The following CGGBP1 variants were observed in gnomAD, a reference collection of about 807,000 sequenced individuals.
CGGBP1 encodes CGG triplet repeat binding protein 1.
Under a neutral mutation model 11.4 loss-of-function variants are expected in CGGBP1, and 4 were observed. The ratio of observed to expected loss-of-function variants is 0.35; its 90% CI spans 0.17 to 0.80. The LOEUF is 0.80. Ranked by LOEUF, CGGBP1 falls within the 30% of genes least tolerant of loss-of-function variation. The pLI, the probability that CGGBP1 is intolerant of heterozygous loss-of-function variation, is 0.52. For synonymous variants in CGGBP1, 76 were observed against 74.1 expected (o/e 1.03, Z -0.13); for missense variants, 135 against 202.1 (o/e 0.67, Z 2.01).
chr3:88,069,878 A>G (rs1247078546), intron 2 of CGGBP1, among the ~76,000 whole-genome samples: 1 of 152,202 alleles, frequency 6.6e-6, no homozygotes, highest in African/African-American at 2.4e-5. Flanking sequence ...TGTTTATCCT[A>G]AATGATTAAA....
At chr3:88,133,681 T>C (rs1339012939) in intron 2 of CGGBP1, among the ~76,000 whole-genome samples, 1 of 152,138 alleles carries the variant, frequency 6.6e-6, no homozygotes. Flanking sequence ...CTCCTAACTC[T>C]ACAACCCACA....
At chr3:88,060,645 A>G (rs1267711659), upstream of CGGBP1, among the ~76,000 whole-genome samples, 1 of 152,204 alleles carries the variant, frequency 6.6e-6, no homozygotes, top group Non-Finnish European at 1.5e-5. Flanking sequence ...GAGGAGTAAT[A>G]GTTAAATAAA....
At chr3:88,124,178 A>G (rs1157684821) in intron 2 of CGGBP1, among the ~76,000 whole-genome samples, 15 of 152,238 alleles carry the variant, frequency 9.9e-5, no homozygotes, top group Non-Finnish European at 2.2e-4. Context: ...ACTAGGTGCT[A>G]GGCACTGTTC....
intron 2 of CGGBP1, among the ~76,000 whole-genome samples, chr3:88,123,011 CAAA>C (rs1289535548): frequency 1.3e-5 from 1 of 76,094 alleles, no homozygotes. Context: ...CTCTGAGTCT[CAAA>C]AAAAAAAAAA....
chr3:88,057,594 T>C (rs958300338), intron 2 of CGGBP1: 5 of 152,242 alleles, frequency 3.3e-5, no homozygotes, highest in Admixed American at 3.3e-4. Context: ...CTATACCAAA[T>C]ATGGTTAATG....
intron 2 of CGGBP1, among the ~76,000 whole-genome samples, chr3:88,131,334 GTAT>G (rs879392807): frequency 9.9e-5 from 15 of 152,254 alleles, no homozygotes; most frequent in Middle Eastern, 3.4e-3. Flanking sequence ...AGTTTTTGAA[GTAT>G]TATCATTTTT....
intron 2 of CGGBP1, among the ~76,000 whole-genome samples, chr3:88,104,922 T>G (rs1481930636): frequency 6.6e-6 from 1 of 152,226 alleles, no homozygotes; most frequent in Non-Finnish European, 1.5e-5. Context: ...GCAGATTACT[T>G]CAGGCCGGAA....
chr3:88,077,419 C>T (rs1258113042), intron 2 of CGGBP1, among the ~76,000 whole-genome samples: 4 of 151,614 alleles, frequency 2.6e-5, no homozygotes, highest in South Asian at 2.1e-4. Context: ...CTGCAAGCTC[C>T]GCCGCCGGGT....
At chr3:88,083,936 TTATTTTATATA>T (rs1365614992) in intron 2 of CGGBP1, among the ~76,000 whole-genome samples, 2 of 58,936 alleles carry the variant, frequency 3.4e-5, no homozygotes, top group African/African-American at 1.1e-4. Context: ...TGTAATGTAC[TTATTTTATATA>T]TATATATATA....
At chr3:88,121,307 A>T (rs2107800210) in intron 2 of CGGBP1, among the ~76,000 whole-genome samples, 1 of 152,192 alleles carries the variant, frequency 6.6e-6, no homozygotes, top group African/African-American at 2.4e-5. Flanking sequence ...CCAGTTGAAA[A>T]TTTTTTCAAC....
chr3:88,106,887 G>C (rs1704774792), intron 2 of CGGBP1, among the ~76,000 whole-genome samples: 1 of 152,044 alleles, frequency 6.6e-6, no homozygotes, highest in African/African-American at 2.4e-5. Context: ...TCCCTGATTT[G>C]AGATGCTGTT....
intron 2 of CGGBP1, among the ~76,000 whole-genome samples, chr3:88,090,863 G>GA (rs1220747724): frequency 7.9e-5 from 12 of 151,560 alleles, no homozygotes; most frequent in Non-Finnish European, 1.5e-4. Flanking sequence ...GATAAGCTAA[G>GA]AAAAAAAAAT....
chr3:88,100,399 G>A (rs893877959), intron 2 of CGGBP1, among the ~76,000 whole-genome samples: 1 of 152,182 alleles, frequency 6.6e-6, no homozygotes, highest in Non-Finnish European at 1.5e-5. Flanking sequence ...TTCAACCATT[G>A]TGGAAGTCAG....
At chr3:88,064,041 A>G (rs113779695), upstream of CGGBP1, among the ~76,000 whole-genome samples, 1,556 of 152,092 alleles carry the variant, frequency 0.01, 26 homozygotes, top group African/African-American at 0.035. Context: ...TCTTTGATCA[A>G]CACATGCCTA....
In CGGBP1 at chr3:88,109,142, A is replaced by AGTGTGTGTGTGTGTGTGT. The variant is rs35595112; in HGVS notation, c.-229+31810_-229+31827dup. On this transcript the variant is annotated intron_variant, in intron 2 of 3. Coordinates refer to the CGGBP1 transcript ENST00000462901. ...TATCCCCTGTGGATAAGTGGGCACTAGTGTGTGTGTGTGTGTGTGTGTGTG... is the reference window on the plus strand; with the variant it reads ...TATCCCCTGTGGATAAGTGGGCACTAGTGTGTGTGTGTGTGTGTGTGTGTGTGTGTGTGTGTGTGTGTG... Among the ~76,000 whole-genome samples the AGTGTGTGTGTGTGTGTGT allele has an allele frequency of 8.4e-4, 120 of 142,518 alleles. 1 individual carries two copies. Among genetic ancestry groups the AGTGTGTGTGTGTGTGTGT allele is most frequent in the Admixed American group, 6.3e-4 (9 of 14,228 alleles). The allele number at this position is 142,518 out of a possible 152,430, so 93.5% of individuals were successfully genotyped here. A position where few individuals can be genotyped will look rare whatever the true frequency, so the allele number is the denominator to read the frequency against.
upstream of CGGBP1, chr3:88,059,396 G>A (rs1455122274): frequency 2.0e-6 from 3 of 1,534,912 alleles, no homozygotes; most frequent in African/African-American, 1.4e-5. Context: ...TCCCCGCTGG[G>A]CCCTGTGGGG....
At chr3:88,136,673 G>C (rs1306190306) in intron 2 of CGGBP1, among the ~76,000 whole-genome samples, 1 of 152,156 alleles carries the variant, frequency 6.6e-6, no homozygotes, top group African/African-American at 2.4e-5. Flanking sequence ...GTGGGTGGGG[G>C]ATGAGACTAA....
intron 2 of CGGBP1, among the ~76,000 whole-genome samples, chr3:88,097,434 G>T (rs1275712105): frequency 6.6e-6 from 1 of 151,752 alleles, no homozygotes; most frequent in Non-Finnish European, 1.5e-5. Flanking sequence ...GAGACAGAAG[G>T]TTAACAAGGA....
At position 88,058,983 on chromosome 3, in the gene CGGBP1, C is replaced by T. The variant is rs1221979314; in HGVS notation, c.-499G>A. On this transcript the variant is annotated 5_prime_UTR_variant, in exon 1 of 4. Transcript: ENST00000482016. ...GGCGGCCGCCGTGTCCCCCGCCGCG[C>T]CCCGTCCGCCTGCACCGCCTATGGC... 1.7e-5 allele frequency: 4 copies of T among 241,720 alleles called. No homozygotes were observed. In the East Asian group the frequency reaches 3.8e-4, roughly 23 times the overall value. 15.0% of individuals were successfully genotyped at this position (241,720 alleles called of 1,614,324 possible).
Sources: gnomAD v4.1 joint callset for allele counts (sites outside exome capture counted in the v4.1 genomes callset) on GRCh38, gnomAD v4.1.1 for gene constraint, MANE v1.5 for transcripts, NCBI Gene and HGNC (gene_info 2026-07-23, HGNC 2026-07-21) for gene names.